PARL: variants seen among roughly 807,000 people sequenced by gnomAD.
The protein encoded by PARL is presenilin associated rhomboid like.
A neutral mutation model predicts 51.6 loss-of-function variants in PARL; 44 were observed. The observed-to-expected ratio is 0.85, with a 90% CI of 0.67 to 1.10. PARL has a LOEUF of 1.10. PARL is among the 50% of genes least tolerant of loss of function. The pLI, the probability that PARL is intolerant of heterozygous loss-of-function variation, is 0.00. For synonymous variants in PARL, 172 were observed against 164.0 expected (o/e 1.05, Z -0.37); for missense variants, 441 against 469.5 (o/e 0.94, Z 0.56).
intron 1 of PARL, among the ~76,000 whole-genome samples, chr3:183,877,803 A>G (rs1734014416): frequency 8.5e-6 from 1 of 118,150 alleles, no homozygotes; most frequent in African/African-American, 3.5e-5. Context: ...ATAATTTATT[A>G]CTTTTTTTTT....
chr3:183,862,159 A>G (rs778178063), intron 4 of PARL, among the ~76,000 whole-genome samples: 2 of 152,246 alleles, frequency 1.3e-5, no homozygotes, highest in Non-Finnish European at 2.9e-5. Flanking sequence ...CTGTCTTTCC[A>G]TAACAATTTA....
At chr3:183,853,487 G>A (rs1730779596) in intron 4 of PARL, among the ~76,000 whole-genome samples, 3 of 152,254 alleles carry the variant, frequency 2.0e-5, no homozygotes, top group Middle Eastern at 3.4e-3. Context: ...AGGAGATGGA[G>A]ATTGCAGTGA....
chr3:183,829,744 A>T (rs1727704895), intron 9 of PARL, 35 bp from the exon 10 acceptor site: 2 of 1,523,374 alleles, frequency 1.3e-6, no homozygotes, highest in African/African-American at 1.4e-5. Context: ...ACATTCAAAC[A>T]GTGTGACATA....
At chr3:183,844,196 C>A (rs200946308) in intron 5 of PARL, 35 bp downstream of exon 5, 12 of 1,331,004 alleles carry the variant, frequency 9.0e-6, no homozygotes, top group Non-Finnish European at 1.2e-5. Context: ...CATATTATTT[C>A]TACCTTAAAA....
At chr3:183,834,968 A>G (rs181138826) in intron 7 of PARL, among the ~76,000 whole-genome samples, 6 of 151,508 alleles carry the variant, frequency 4.0e-5, no homozygotes, top group African/African-American at 1.5e-4. Context: ...CTAAGGCCCG[A>G]GAATTGCTTG....
intron 9 of PARL, among the ~76,000 whole-genome samples, chr3:183,830,047 G>C (rs964515193): frequency 6.6e-6 from 1 of 152,210 alleles, no homozygotes; most frequent in Non-Finnish European, 1.5e-5. Context: ...GGTGCTAATA[G>C]TTTCTAAGTG....
chr3:183,856,858 C>T (rs541143784), intron 4 of PARL, among the ~76,000 whole-genome samples: 19 of 152,292 alleles, frequency 1.2e-4, no homozygotes, highest in Middle Eastern at 3.4e-3. Flanking sequence ...TTGCAATACA[C>T]AAAATTTTAA....
intron 5 of PARL, chr3:183,843,125 T>C: frequency 1.0e-5 from 8 of 789,748 alleles, no homozygotes; most frequent in Non-Finnish European, 1.2e-5. Flanking sequence ...CTCAAGCAGT[T>C]CACCTGCCTC....
At chr3:183,863,873 G>C (rs1455288818) in intron 3 of PARL, among the ~76,000 whole-genome samples, 1 of 152,076 alleles carries the variant, frequency 6.6e-6, no homozygotes, top group Admixed American at 6.5e-5. Context: ...AATGGGCATA[G>C]GTTTTATACA....
chr3:183,883,988 A>G (rs1297707265), intron 1 of PARL, among the ~76,000 whole-genome samples: 1 of 152,266 alleles, frequency 6.6e-6, no homozygotes, highest in Non-Finnish European at 1.5e-5. Context: ...CATCTAACCA[A>G]GTCAGAAATT....
At chr3:183,866,487 T>TA in intron 3 of PARL, 138 bp downstream of exon 3, 3 of 736,642 alleles carry the variant, frequency 4.1e-6, no homozygotes, top group Non-Finnish European at 7.2e-6. Flanking sequence ...TTTAAGGTGA[T>TA]AGATATTCAG....
chr3:183,847,005 C>T (rs956708269), intron 4 of PARL, among the ~76,000 whole-genome samples: 1 of 152,160 alleles, frequency 6.6e-6, no homozygotes, highest in Middle Eastern at 3.2e-3. Context: ...TGACCTTGGT[C>T]ACTCTAGGAC....
rs1323956483 is a variant in PARL, at chr3:183,835,696, G to A, written c.829-1871C>T. 2.6e-5 allele frequency among the ~76,000 whole-genome samples: 4 copies of A among 152,000 alleles called. No homozygotes were observed. The East Asian group carries it at 5.8e-4, about 22-fold the overall frequency. On this transcript the variant is annotated intron_variant, in intron 7 of 9. Transcript: ENST00000317096. ...AGCCTAGCCAACATAGTGAAACCCCGTCTCTACTAAAAACACAAAAATTAG... is the reference window on the plus strand; with the variant it reads ...AGCCTAGCCAACATAGTGAAACCCCATCTCTACTAAAAACACAAAAATTAG...
chr3:183,837,650 A>T (rs1235856687), intron 7 of PARL, among the ~76,000 whole-genome samples: 3 of 152,210 alleles, frequency 2.0e-5, no homozygotes, highest in African/African-American at 7.2e-5. Flanking sequence ...TACACCCAGC[A>T]GTAACGAGTC....
chr3:183,868,126 T>G, intron 1 of PARL, 66 bp from the exon 2 acceptor site: 1 of 1,186,590 alleles, frequency 8.4e-7, no homozygotes, highest in Admixed American at 1.7e-5. Flanking sequence ...TCTATGAACC[T>G]CCACTTGGCC....
Position 183,832,865 on chromosome 3 carries a change from G to T in PARL, c.1028+627C>A, listed in dbSNP as rs1407821911. Among the ~76,000 whole-genome samples the T allele has an allele frequency of 2.6e-5, 4 of 152,284 alleles. No homozygotes were observed. In the East Asian group the frequency reaches 7.7e-4, roughly 29 times the overall value. ...GGGTGGAAAGGGCTTATAGAGGTGGGTTTACAGCTCTGCTCTGCTATTGAA... is the reference window on the plus strand; with the variant it reads ...GGGTGGAAAGGGCTTATAGAGGTGGTTTTACAGCTCTGCTCTGCTATTGAA... On this transcript the variant is annotated intron_variant, in intron 9 of 9. Coordinates refer to ENST00000317096, the MANE Select transcript of PARL (RefSeq NM_018622.7).
At chr3:183,879,752 T>C (rs1734223096) in intron 1 of PARL, 2 of 966,250 alleles carry the variant, frequency 2.1e-6, no homozygotes, top group African/African-American at 3.5e-5. Context: ...GTCCTCGCTC[T>C]GTCACCCAGG....
chr3:183,847,673 T>C (rs1730118002), intron 4 of PARL, among the ~76,000 whole-genome samples: 1 of 152,062 alleles, frequency 6.6e-6, no homozygotes, highest in South Asian at 2.1e-4. Flanking sequence ...ATGGAAAACA[T>C]GGTGAAAAGA....
intron 4 of PARL, among the ~76,000 whole-genome samples, chr3:183,850,973 T>C (rs931008887): frequency 2.6e-5 from 4 of 152,164 alleles, no homozygotes; most frequent in Admixed American, 1.3e-4. Context: ...ATGGACAGAA[T>C]TGACAGTCCA....
Sources: allele counts gnomAD v4.1 joint callset (sites outside exome capture counted in the v4.1 genomes callset), GRCh38; gene constraint gnomAD v4.1.1; transcripts MANE v1.5; gene names NCBI Gene and HGNC (gene_info 2026-07-23, HGNC 2026-07-21).